The following SMARCA2 variants were observed in gnomAD, a reference collection of about 807,000 sequenced individuals.
SMARCA2 encodes the protein SWI/SNF related BAF chromatin remodeling complex subunit ATPase 2, also known as SWI/SNF-related matrix-associated actin-dependent regulator of chromatin subfamily A member 2.
Under a neutral mutation model 199.8 loss-of-function variants are expected in SMARCA2, and 61 were observed. The ratio of observed to expected loss-of-function variants is 0.31; its 90% confidence interval spans 0.25 to 0.38. SMARCA2 has a LOEUF of 0.38. Ranked by LOEUF, SMARCA2 falls within the 10% of genes least tolerant of loss-of-function variation. The probability of loss-of-function intolerance (pLI) is 1.00; values close to 1 mark genes in which losing one functional copy is unlikely to be tolerated. For missense variants in SMARCA2, 1,344 were observed against 2,012.2 expected (o/e 0.67, Z 6.35); for synonymous variants, 935 against 732.0 (o/e 1.28, Z -4.48).
intron 29 of SMARCA2, among the ~76,000 whole-genome samples, chr9:2,179,529 G>A (rs542271342): frequency 6.6e-6 from 1 of 152,178 alleles, no homozygotes; most frequent in Admixed American, 6.5e-5. Context: ...AGAGAACTCT[G>A]GACTTGTCTC....
intron 31 of SMARCA2, among the ~76,000 whole-genome samples, chr9:2,183,492 C>A (rs147791095): frequency 1.1e-4 from 16 of 152,266 alleles, no homozygotes; most frequent in African/African-American, 3.4e-4. Context: ...TATCTCTGGC[C>A]TGATGCCTTC....
In SMARCA2 at chr9:2,166,329, T is replaced by G. The variant is rs112978158; in HGVS notation, c.4200-4090T>G. On this transcript the variant is annotated intron_variant, in intron 28 of 33. Coordinates refer to ENST00000349721, the MANE Select transcript of SMARCA2 (RefSeq NM_003070.5). ...TTCCTTATTCTGGACACCAGAATTC[T>G]GTTAGCATAACTCAAGGGTGTGTTT... Among the ~76,000 whole-genome samples the G allele has an allele frequency of 8.2e-3, 1,254 of 152,280 alleles. 19 individuals carry two copies. The highest frequency in any genetic ancestry group is 0.029 in the African/African-American group (1,206 of 41,556).
chr9:2,080,988 T>G (rs1821542528), intron 14 of SMARCA2, among the ~76,000 whole-genome samples: 1 of 152,256 alleles, frequency 6.6e-6, no homozygotes, highest in Non-Finnish European at 1.5e-5. Flanking sequence ...TTAAATAAAC[T>G]AATTGCTTGC....
Position 2,170,397 on chromosome 9 carries a change from T to C in SMARCA2, c.4200-22T>C, listed in dbSNP as rs1223290743. On this transcript the variant is annotated intron_variant, in intron 28 of 33. Coordinates refer to ENST00000349721, the MANE Select transcript of SMARCA2 (RefSeq NM_003070.5). The surrounding 1 kb of genome is among the most constrained non-coding windows in gnomAD (Gnocchi z 4.7). Reference sequence around the variant, plus strand: ...GAGAACCCAGGTCTTCTGACTCTAGTGTTCTTTCTACTCTACCGCAGGTGT... The same window carrying C: ...GAGAACCCAGGTCTTCTGACTCTAGCGTTCTTTCTACTCTACCGCAGGTGT... 5.0e-6 allele frequency: 8 copies of C among 1,613,806 alleles called. No homozygotes were observed. The highest frequency in any genetic ancestry group is 4.4e-5 in the South Asian group (4 of 91,064).
chr9:2,193,234 G>GATAA lies in SMARCA2; in HGVS notation c.*498_*501dup, dbSNP rs1457722433. ...GTACATATAAGCAACTTTAATAGGT[G>GATAA]ATAAATGTACAGTAGTTAGATTTCA... is the stretch of plus-strand genomic sequence containing the variant. On this transcript the variant is annotated 3_prime_UTR_variant, in exon 34 of 34. Transcript: ENST00000349721. The GATAA allele has an allele frequency of 2.0e-5, 3 of 153,296 alleles. No homozygotes were observed. Among genetic ancestry groups the GATAA allele is most frequent in the African/African-American group, 7.2e-5 (3 of 41,428 alleles). 9.5% of individuals were successfully genotyped at this position (153,296 alleles called of 1,614,324 possible).
At chr9:2,046,821 G>A (rs76326638) in intron 4 of SMARCA2, among the ~76,000 whole-genome samples, 2,200 of 152,056 alleles carry the variant, frequency 0.014, 46 homozygotes, top group African/African-American at 0.05. Context: ...CAATGCACCT[G>A]TAATTAAAAA....
At chr9:2,037,699 A>C (rs1819393402) in intron 3 of SMARCA2, among the ~76,000 whole-genome samples, 1 of 152,082 alleles carries the variant, frequency 6.6e-6, no homozygotes, top group South Asian at 2.1e-4. Context: ...GAATTTAATA[A>C]ACACTTATGT....
At chr9:2,023,516 G>A (rs1818694444) in intron 1 of SMARCA2, among the ~76,000 whole-genome samples, 1 of 152,174 alleles carries the variant, frequency 6.6e-6, no homozygotes, top group African/African-American at 2.4e-5. Flanking sequence ...TCTTGATGGA[G>A]CAACTTATAA....
In SMARCA2 at chr9:2,056,849, C is replaced by T. The variant is rs1586656091; in HGVS notation, c.1347+4C>T. ...GAAACGCCGTCAGAAACACCAGGTTCTTAGACCCTGGGCTTTGCTCACCCT... is the reference window on the plus strand; with the variant it reads ...GAAACGCCGTCAGAAACACCAGGTTTTTAGACCCTGGGCTTTGCTCACCCT... On this transcript the variant is annotated splice_donor_region_variant and intron_variant, in intron 7 of 33. Coordinates refer to ENST00000349721, the MANE Select transcript of SMARCA2 (RefSeq NM_003070.5). This position sits in a 1 kb window ranked among gnomAD's most constrained non-coding sequence, Gnocchi z 4.0. The T allele has an allele frequency of 6.2e-6, 10 of 1,610,406 alleles. No individual in the cohort carries two copies. Among genetic ancestry groups the T allele is most frequent in the Non-Finnish European group, 8.5e-6 (10 of 1,177,806 alleles).
chr9:2,022,960 T>C (rs1327344325), intron 1 of SMARCA2, among the ~76,000 whole-genome samples: 1 of 152,250 alleles, frequency 6.6e-6, no homozygotes, highest in African/African-American at 2.4e-5. Flanking sequence ...CTAATGGACA[T>C]GAGTCTCAGA....
intron 28 of SMARCA2, chr9:2,162,752 ATT>A (rs1043114025): frequency 6.6e-6 from 1 of 152,120 alleles, no homozygotes; most frequent in African/African-American, 2.4e-5. Flanking sequence ...ATTGAAAAAA[ATT>A]TTTTCTTAAG....
chr9:2,153,471 G>A (rs556012947), intron 27 of SMARCA2, among the ~76,000 whole-genome samples: 1 of 152,326 alleles, frequency 6.6e-6, no homozygotes, highest in African/African-American at 2.4e-5. Context: ...GGTTAAGGCT[G>A]TAGTGAGCTG....
At chr9:2,094,842 T>C (rs1027968637) in intron 19 of SMARCA2, among the ~76,000 whole-genome samples, 1 of 152,142 alleles carries the variant, frequency 6.6e-6, no homozygotes, top group Admixed American at 6.5e-5. Flanking sequence ...CTTGATGTCA[T>C]TTTACCATTA....
chr9:2,041,652 A>G (rs1324851725), intron 4 of SMARCA2: 2 of 360,274 alleles, frequency 5.6e-6, no homozygotes, highest in Non-Finnish European at 9.9e-6. Context: ...GTATCATTTC[A>G]TCTCCAGAAT....
At chr9:2,066,634 CTT>C (rs1333819384) in intron 9 of SMARCA2, among the ~76,000 whole-genome samples, 2 of 152,140 alleles carry the variant, frequency 1.3e-5, no homozygotes, top group Non-Finnish European at 2.9e-5. Context: ...GTTCTAAACT[CTT>C]TTGCATGTAG....
intron 9 of SMARCA2, among the ~76,000 whole-genome samples, chr9:2,061,595 AT>A (rs1159910546): frequency 2.0e-5 from 3 of 152,234 alleles, no homozygotes; most frequent in Non-Finnish European, 4.4e-5. Context: ...TTATATCTCA[AT>A]TCAAGAGTAA....
intron 27 of SMARCA2, among the ~76,000 whole-genome samples, chr9:2,135,752 A>T (rs951745137): frequency 6.6e-6 from 1 of 152,188 alleles, no homozygotes; most frequent in Admixed American, 6.5e-5. Flanking sequence ...CATGTTGGTC[A>T]GCCTGGTCTT....
rs74355730 is a variant in SMARCA2, at chr9:2,141,698, C to T, written c.3981+17761C>T. On this transcript the variant is annotated intron_variant, in intron 27 of 33. Coordinates refer to ENST00000349721, the MANE Select transcript of SMARCA2 (RefSeq NM_003070.5). ...TTTTATTCACTATGTAGTTGTGTGGCCCTCCCTTGAGCAGTAATCATCCAA... is the reference window on the plus strand; with the variant it reads ...TTTTATTCACTATGTAGTTGTGTGGTCCTCCCTTGAGCAGTAATCATCCAA... 1.3e-4 allele frequency among the ~76,000 whole-genome samples: 20 copies of T among 151,994 alleles called. No homozygotes were observed. The East Asian group carries it at 1.7e-3, about 13-fold the overall frequency.
chr9:2,188,404 CGTCATTTTCT>C (rs1827641751), intron 32 of SMARCA2, among the ~76,000 whole-genome samples: 1 of 152,048 alleles, frequency 6.6e-6, no homozygotes, highest in South Asian at 2.1e-4. Context: ...TCTTTCCCAA[CGTCATTTTCT>C]ATTATCTATA....
Sources: allele counts gnomAD v4.1 joint callset (sites outside exome capture counted in the v4.1 genomes callset), GRCh38; gene constraint gnomAD v4.1.1; non-coding constraint Gnocchi (gnomAD v3.1); transcripts MANE v1.5; gene names NCBI Gene and HGNC (gene_info 2026-07-23, HGNC 2026-07-21).